CSMD1: variants seen among roughly 807,000 people sequenced by gnomAD.
The protein encoded by CSMD1 is CUB and Sushi multiple domains 1, also known as CUB and sushi domain-containing protein 1.
CSMD1 carries 213 observed loss-of-function variants against 417.5 expected under a neutral mutation model. The ratio of observed to expected loss-of-function variants is 0.51; its 90% CI spans 0.46 to 0.57. CSMD1 has a LOEUF of 0.57. Among genes scored for constraint, CSMD1 ranks in the 20% least tolerant of loss-of-function variants. The probability of loss-of-function intolerance (pLI) is 0.00; values close to 1 mark genes in which losing one functional copy is unlikely to be tolerated. For missense variants in CSMD1, 6,923 were observed against 4,529.7 expected (o/e 1.53, Z -15.17); for synonymous variants, 2,862 against 1,736.8 (o/e 1.65, Z -16.11).
At chr8:3,275,926 G>A (rs556294227) in intron 26 of CSMD1, among the ~76,000 whole-genome samples, 47 of 152,292 alleles carry the variant, frequency 3.1e-4, no homozygotes, top group African/African-American at 1.1e-3. Context: ...TCTTCTCTCA[G>A]CTTGTCAAAC....
At chr8:3,703,951 C>G (rs2624061) in intron 7 of CSMD1, among the ~76,000 whole-genome samples, 143,219 of 151,974 alleles carry the variant, frequency 0.94, 67,526 homozygotes, top group East Asian at 1. Flanking sequence ...CACACCTGTA[C>G]TCCCTGCTAT....
At chr8:4,367,219 G>A (rs973854080) in intron 3 of CSMD1, among the ~76,000 whole-genome samples, 1 of 152,092 alleles carries the variant, frequency 6.6e-6, no homozygotes, top group Non-Finnish European at 1.5e-5. Context: ...GTTATTTTTT[G>A]TATGTGGTGT....
At chr8:3,390,827 C>A (rs914355441) in intron 17 of CSMD1, among the ~76,000 whole-genome samples, 6 of 151,972 alleles carry the variant, frequency 3.9e-5, no homozygotes, top group African/African-American at 1.5e-4. Context: ...ACTCCTAGTC[C>A]AAGGAAGGAA....
chr8:3,829,673 G>A (rs1410456686), intron 5 of CSMD1, among the ~76,000 whole-genome samples: 3 of 152,072 alleles, frequency 2.0e-5, no homozygotes, highest in Non-Finnish European at 4.4e-5. Context: ...AAATGTCCTC[G>A]TATCTTAACA....
At chr8:4,781,974 G>A (rs1035124799) in intron 1 of CSMD1, among the ~76,000 whole-genome samples, 1 of 152,112 alleles carries the variant, frequency 6.6e-6, no homozygotes, top group East Asian at 1.9e-4. Flanking sequence ...AATAAACTCT[G>A]ACTTCATTTC....
intron 3 of CSMD1, among the ~76,000 whole-genome samples, chr8:4,348,983 A>G (rs1310846228): frequency 6.6e-6 from 1 of 152,216 alleles, no homozygotes; most frequent in African/African-American, 2.4e-5. Context: ...ATGCAAAAAC[A>G]GGACAAACTG....
chr8:3,546,310 G>A (rs978799703), intron 10 of CSMD1, among the ~76,000 whole-genome samples: 10 of 151,958 alleles, frequency 6.6e-5, no homozygotes, highest in Non-Finnish European at 1.2e-4. Context: ...CCAAGGTGGG[G>A]GGATCATGAG....
At chr8:4,698,015 T>C (rs950263713) in intron 1 of CSMD1, among the ~76,000 whole-genome samples, 2 of 152,142 alleles carry the variant, frequency 1.3e-5, no homozygotes, top group Admixed American at 1.3e-4. Flanking sequence ...ACTTAATATG[T>C]CCATAGAGAA....
chr8:3,736,511 C>G (rs192126233), intron 6 of CSMD1, among the ~76,000 whole-genome samples: 2 of 152,298 alleles, frequency 1.3e-5, no homozygotes, highest in South Asian at 2.1e-4. Flanking sequence ...TCCCAAATTG[C>G]TGGGATCACT....
At chr8:3,068,429 G>C (rs527801166) in intron 49 of CSMD1, among the ~76,000 whole-genome samples, 3 of 152,264 alleles carry the variant, frequency 2.0e-5, no homozygotes, top group African/African-American at 4.8e-5. Flanking sequence ...CTAAGGAAAA[G>C]TCTGTTGCAT....
At chr8:3,510,158 T>C (rs575311606) in intron 10 of CSMD1, among the ~76,000 whole-genome samples, 2 of 149,566 alleles carry the variant, frequency 1.3e-5, no homozygotes, top group South Asian at 2.1e-4. Flanking sequence ...GTATATGCTT[T>C]TGTGAAAACA....
intron 3 of CSMD1, among the ~76,000 whole-genome samples, chr8:4,274,885 T>G (rs1796387994): frequency 2.0e-5 from 3 of 152,198 alleles, no homozygotes; most frequent in African/African-American, 7.2e-5. Context: ...CCCAAAAGGT[T>G]TGCTCACAGA....
rs201827369 is a variant in CSMD1, at chr8:3,434,120, A to G, written c.1562-24515T>C. Among the ~76,000 whole-genome samples, 17 of 152,348 alleles carry G rather than the reference A, an allele frequency of 1.1e-4. No homozygotes were observed. In the East Asian group the frequency reaches 3.1e-3, roughly 28 times the overall value. The stretch of plus-strand genomic sequence containing the variant: ...CTTTCCAGAGTAACCTTAGAATTAT[A>G]TAAGAATACCTTTGAGGTTCTCTGG... On this transcript the variant is annotated intron_variant, in intron 12 of 69. Transcript: ENST00000635120.
chr8:4,604,129 C>G (rs1160918220), intron 2 of CSMD1, among the ~76,000 whole-genome samples: 5 of 152,046 alleles, frequency 3.3e-5, no homozygotes, highest in African/African-American at 9.6e-5. Context: ...CCACTTATGT[C>G]TGTATTCCAA....
chr8:4,451,444 C>G (rs777965277), intron 2 of CSMD1, among the ~76,000 whole-genome samples: 1 of 152,238 alleles, frequency 6.6e-6, no homozygotes, highest in South Asian at 2.1e-4. Context: ...GTCAGAAAAG[C>G]TTATCACTCT....
Position 4,116,521 on chromosome 8 carries a change from G to C in CSMD1, c.416-84422C>G, listed in dbSNP as rs1226933916. ...GTACACATCCGACGGCGATGTATGA[G>C]TGCAGGTACCTGGATGGAACAAACG... On this transcript the variant is annotated intron_variant, in intron 3 of 69. Coordinates refer to ENST00000635120, the MANE Select transcript of CSMD1 (RefSeq NM_033225.6). Among the ~76,000 whole-genome samples, 4 of 71,548 alleles carry C rather than the reference G, an allele frequency of 5.6e-5. 2 individuals carry two copies. Among genetic ancestry groups the C allele is most frequent in the South Asian group, 1.1e-3 (2 of 1,818 alleles). 46.9% of individuals were successfully genotyped at this position (71,548 alleles called of 152,430 possible). A position where few individuals can be genotyped will look rare whatever the true frequency, so the allele number is the denominator to read the frequency against.
intron 10 of CSMD1, among the ~76,000 whole-genome samples, chr8:3,495,245 T>C (rs1340771255): frequency 6.6e-6 from 1 of 152,216 alleles, no homozygotes; most frequent in East Asian, 1.9e-4. Context: ...GTGACCATCA[T>C]CTGATAATCA....
chr8:3,771,541 G>C (rs968247920), intron 5 of CSMD1, among the ~76,000 whole-genome samples: 13 of 152,132 alleles, frequency 8.5e-5, no homozygotes, highest in Admixed American at 7.9e-4. Flanking sequence ...TGACTGGATA[G>C]CATCACCATT....
intron 26 of CSMD1, among the ~76,000 whole-genome samples, chr8:3,237,444 G>A (rs937763071): frequency 4.6e-5 from 7 of 150,710 alleles, no homozygotes; most frequent in South Asian, 2.1e-4. Context: ...GCAACAGGGC[G>A]AGACTCCATC....
Sources: allele counts gnomAD v4.1 joint callset (sites outside exome capture counted in the v4.1 genomes callset), GRCh38; gene constraint gnomAD v4.1.1; transcripts MANE v1.5; gene names NCBI Gene and HGNC (gene_info 2026-07-23, HGNC 2026-07-21).